The following RPA1 variants were observed in gnomAD, a reference collection of about 807,000 sequenced individuals.
RPA1 encodes the protein replication protein A1, also known as replication protein A 70 kDa DNA-binding subunit.
A neutral mutation model predicts 83.0 loss-of-function variants in RPA1; 49 were observed. The observed-to-expected ratio is 0.59, with a 90% CI of 0.47 to 0.75. The LOEUF is 0.75. Among genes scored for constraint, RPA1 ranks in the 30% least tolerant of loss-of-function variants. RPA1 has a pLI of 0.00. For synonymous variants in RPA1, 279 were observed against 281.8 expected (o/e 0.99, Z 0.10); for missense variants, 693 against 776.1 (o/e 0.89, Z 1.27).
chr17:1,872,687 G>GA (rs1412766072), intron 6 of RPA1, among the ~76,000 whole-genome samples, 161 bp downstream of exon 6: 47 of 146,852 alleles, frequency 3.2e-4, no homozygotes, highest in Non-Finnish European at 6.4e-4. Flanking sequence ...GTATGTGATT[G>GA]AAAAAATAAT....
rs1427272612 is a variant in RPA1, at chr17:1,895,270, G to C, written c.1746+175G>C. On this transcript the variant is annotated intron_variant, in intron 16 of 16. Coordinates refer to ENST00000254719, the MANE Select transcript of RPA1 (RefSeq NM_002945.5). ...CCATTTTCAGATGAGGAAGGAGAGAGAGCTTAAGTGTCTTGTCGAAACAAT... is the reference window on the plus strand; with the variant it reads ...CCATTTTCAGATGAGGAAGGAGAGACAGCTTAAGTGTCTTGTCGAAACAAT... Among the ~76,000 whole-genome samples, 3 of 151,552 alleles carry C rather than the reference G, an allele frequency of 2.0e-5. No homozygotes were observed. The South Asian group carries it at 6.3e-4, about 32-fold the overall frequency.
At chr17:1,893,388 G>A (rs1451974340) in intron 15 of RPA1, among the ~76,000 whole-genome samples, 3 of 152,220 alleles carry the variant, frequency 2.0e-5, no homozygotes, top group Non-Finnish European at 2.9e-5. Context: ...ATGGCAGCCG[G>A]TGTAATTTTC....
chr17:1,830,035 C>T lies in RPA1; in HGVS notation c.-59C>T. The T allele has an allele frequency of 1.6e-6, 2 of 1,244,998 alleles. No individual in the cohort carries two copies. Among genetic ancestry groups the T allele is most frequent in the Non-Finnish European group, 2.0e-6 (2 of 984,910 alleles). The allele number at this position is 1,244,998 out of a possible 1,614,324, so 77.1% of individuals were successfully genotyped here. ...GCCAATAACTGCGCAGCGCGCGGGA[C>T]CCGGGTGGGGAAGCTGGAGCTGTTG... is the stretch of plus-strand genomic sequence containing the variant. On this transcript the variant is annotated 5_prime_UTR_variant, in exon 1 of 17. Coordinates refer to ENST00000254719, the MANE Select transcript of RPA1 (RefSeq NM_002945.5).
chr17:1,876,296 C>T (rs1048410306), intron 7 of RPA1, among the ~76,000 whole-genome samples: 4 of 152,110 alleles, frequency 2.6e-5, no homozygotes, highest in Admixed American at 6.5e-5. Context: ...GGCTCATGCC[C>T]GTAATCCCCG....
intron 1 of RPA1, among the ~76,000 whole-genome samples, chr17:1,839,241 T>G (rs1212760253): frequency 6.6e-6 from 1 of 152,228 alleles, no homozygotes; most frequent in Non-Finnish European, 1.5e-5. Context: ...GGTGCTTATG[T>G]CAATACCACA....
chr17:1,838,595 C>G (rs1427972494), intron 1 of RPA1, among the ~76,000 whole-genome samples: 1 of 134,740 alleles, frequency 7.4e-6, no homozygotes, highest in East Asian at 2.1e-4. Context: ...AAGAGTGAAA[C>G]TCAGTCTCAA....
chr17:1,895,427 T>G (rs1053787932), intron 16 of RPA1, among the ~76,000 whole-genome samples: 2 of 150,758 alleles, frequency 1.3e-5, no homozygotes, highest in African/African-American at 4.9e-5. Flanking sequence ...TGCAGTAGAG[T>G]CATATCTTTG....
At chr17:1,851,269 G>A (rs919520803) in intron 4 of RPA1, among the ~76,000 whole-genome samples, 2 of 123,658 alleles carry the variant, frequency 1.6e-5, no homozygotes, top group Non-Finnish European at 3.5e-5. Context: ...GTGTATGTGC[G>A]TGTGCGTGTG....
At chr17:1,862,374 C>A (rs1036988825) in intron 5 of RPA1, among the ~76,000 whole-genome samples, 35 of 151,608 alleles carry the variant, frequency 2.3e-4, no homozygotes, top group Admixed American at 1.2e-3. Flanking sequence ...TCCCTGCTGT[C>A]CACATGGAAG....
chr17:1,836,498 A>G (rs904227891), intron 1 of RPA1, among the ~76,000 whole-genome samples: 3 of 152,114 alleles, frequency 2.0e-5, no homozygotes, highest in Non-Finnish European at 4.4e-5. Flanking sequence ...GAGATATAGA[A>G]TACTTCCATC....
chr17:1,883,532 A>C (rs751269503), intron 12 of RPA1, among the ~76,000 whole-genome samples: 16 of 152,096 alleles, frequency 1.1e-4, no homozygotes, highest in Non-Finnish European at 2.2e-4. Context: ...TGGGAGGATC[A>C]CTGAGCTCAG....
intron 15 of RPA1, among the ~76,000 whole-genome samples, chr17:1,893,140 A>G (rs547523830): frequency 2.6e-4 from 39 of 152,298 alleles, no homozygotes; most frequent in African/African-American, 7.9e-4. Context: ...GTCTCAACAA[A>G]TCCTGTTACA....
intron 5 of RPA1, among the ~76,000 whole-genome samples, chr17:1,867,686 G>C (rs1402357286): frequency 6.6e-6 from 1 of 151,856 alleles, no homozygotes; most frequent in African/African-American, 2.4e-5. Flanking sequence ...ACTCCAGCCT[G>C]GGTGACAGAT....
chr17:1,858,626 G>A (rs1479734094), intron 5 of RPA1, among the ~76,000 whole-genome samples: 2 of 151,896 alleles, frequency 1.3e-5, no homozygotes, highest in African/African-American at 2.4e-5. Context: ...ACCATGCCTG[G>A]CTAATTTTTT....
intron 6 of RPA1, among the ~76,000 whole-genome samples, chr17:1,874,272 G>A (rs1287577491): frequency 2.0e-5 from 3 of 152,064 alleles, no homozygotes; most frequent in African/African-American, 7.3e-5. Flanking sequence ...TGGGAGGCCA[G>A]GGCAGGAGGA....
intron 2 of RPA1, 81 bp from the exon 3 acceptor site, chr17:1,843,839 C>A (rs1241428549): frequency 2.7e-5 from 30 of 1,105,436 alleles, no homozygotes; most frequent in Non-Finnish European, 4.1e-5. Flanking sequence ...AATGGCAAAC[C>A]CACTCTCCTG....
intron 5 of RPA1, among the ~76,000 whole-genome samples, chr17:1,859,700 G>A (rs1258333923): frequency 2.0e-5 from 3 of 152,002 alleles, no homozygotes; most frequent in East Asian, 1.9e-4. Flanking sequence ...GTACATTCAC[G>A]GCTCAGTGCA....
chr17:1,879,316 G>T lies in RPA1; in HGVS notation c.861G>T (p.Met287Ile), dbSNP rs767177806. ...EMTFNNETSV[M>I]PCEDDHHLPT... is the part of the protein sequence containing the mutation. ...CCTTCAATAACGAGACTTCCGTCAT[G>T]CCCTGTGAGGACGACCATCATTTAC... The change falls in exon 10 of 17, where the codon ATG becomes ATT. Residue 287 changes from methionine to isoleucine, a missense_variant. Met to Ile is a conservative substitution (Grantham distance 10, BLOSUM62 1). Transcript: ENST00000254719. The T allele has an allele frequency of 1.2e-6, 2 of 1,614,072 alleles. No homozygotes were observed. Among genetic ancestry groups the T allele is most frequent in the Admixed American group, 1.7e-5 (1 of 60,010 alleles).
chr17:1,841,057 C>T (rs1051404358), intron 1 of RPA1, among the ~76,000 whole-genome samples: 2 of 151,930 alleles, frequency 1.3e-5, no homozygotes, highest in South Asian at 2.1e-4. Flanking sequence ...AGCGAAACTC[C>T]GTCTCAAAAA....
Sources: gnomAD v4.1 joint callset for allele counts (sites outside exome capture counted in the v4.1 genomes callset) on GRCh38, gnomAD v4.1.1 for gene constraint, MANE v1.5 for transcripts, NCBI Gene and HGNC (gene_info 2026-07-23, HGNC 2026-07-21) for gene names.